CMIP: variants seen among roughly 807,000 people sequenced by gnomAD.
CMIP encodes C-Maf-inducing protein.
In CMIP, 13 loss-of-function variants were observed where a neutral mutation model predicts 97.3. The observed-to-expected ratio is 0.13, with a 90% CI of 0.09 to 0.21. The LOEUF is 0.21. Ranked by LOEUF, CMIP falls within the 10% of genes least tolerant of loss-of-function variation. The pLI is 1.00. For synonymous variants in CMIP, 538 were observed against 436.3 expected (o/e 1.23, Z -2.91); for missense variants, 847 against 1,024.9 (o/e 0.83, Z 2.37).
chr16:81,593,341 G>A (rs1365923128), intron 1 of CMIP, among the ~76,000 whole-genome samples: 1 of 152,102 alleles, frequency 6.6e-6, no homozygotes, highest in Admixed American at 6.5e-5. Context: ...GCTTGGTTGA[G>A]ATTGGCGAGA....
At chr16:81,559,730 G>A (rs141604365) in intron 1 of CMIP, among the ~76,000 whole-genome samples, 1 of 152,268 alleles carries the variant, frequency 6.6e-6, no homozygotes, top group East Asian at 1.9e-4. Flanking sequence ...AAACAACTAA[G>A]TTACTGGCTT....
intron 1 of CMIP, among the ~76,000 whole-genome samples, chr16:81,561,690 G>A (rs1297810362): frequency 2.0e-5 from 3 of 152,132 alleles, no homozygotes; most frequent in Non-Finnish European, 2.9e-5. Flanking sequence ...TCTGACTCTG[G>A]CTTTAAAAAG....
intron 1 of CMIP, among the ~76,000 whole-genome samples, chr16:81,463,595 C>G (rs1907021098): frequency 6.6e-6 from 1 of 152,206 alleles, no homozygotes; most frequent in Non-Finnish European, 1.5e-5. Context: ...CAGCTGGGTA[C>G]CGATTGCCAG....
At chr16:81,470,757 C>T (rs1248973971) in intron 1 of CMIP, among the ~76,000 whole-genome samples, 1 of 152,228 alleles carries the variant, frequency 6.6e-6, no homozygotes. Context: ...TGTGCCCAGC[C>T]AAAATTGGGA....
Position 81,703,847 on chromosome 16 carries a change from C to T in CMIP, c.1945-92C>T, listed in dbSNP as rs555123235. The T allele has an allele frequency of 4.7e-5, 69 of 1,467,868 alleles. No homozygotes were observed. The East Asian group carries it at 1.1e-3, about 24-fold the overall frequency. The allele number at this position is 1,467,868 out of a possible 1,614,324, so 90.9% of individuals were successfully genotyped here. On this transcript the variant is annotated intron_variant, in intron 17 of 20. Transcript: ENST00000537098. ...CCCCCAGGAACAGCTCTCTGTAGGG[C>T]GAGGGGAGAGGAGGAGGATAGGGGA...
intron 2 of CMIP, 31 bp downstream of exon 2, chr16:81,607,723 C>T (rs750607715): frequency 2.2e-5 from 36 of 1,607,960 alleles, no homozygotes; most frequent in African/African-American, 2.7e-5. Flanking sequence ...CAAGCAGTTT[C>T]TTCTCCCTCA....
chr16:81,455,291 A>T (rs938714145), intron 1 of CMIP, among the ~76,000 whole-genome samples: 1 of 152,202 alleles, frequency 6.6e-6, no homozygotes, highest in Non-Finnish European at 1.5e-5. Flanking sequence ...GCCAGGGGCT[A>T]TGCTATGCAG....
intron 1 of CMIP, among the ~76,000 whole-genome samples, chr16:81,582,916 A>G (rs1238646801): frequency 6.6e-6 from 1 of 152,218 alleles, no homozygotes; most frequent in African/African-American, 2.4e-5. Context: ...GGGGGCCAGC[A>G]GCTCTCCACT....
chr16:81,445,771 T>C (rs1905794857), intron 1 of CMIP, among the ~76,000 whole-genome samples: 2 of 152,056 alleles, frequency 1.3e-5, no homozygotes, highest in South Asian at 4.2e-4. Context: ...CTTAAAATGC[T>C]GGAGACTCGG....
At chr16:81,608,054 C>T (rs1437649458) in intron 2 of CMIP, among the ~76,000 whole-genome samples, 6 of 152,282 alleles carry the variant, frequency 3.9e-5, no homozygotes, top group South Asian at 2.1e-4. Context: ...AGCAGATGAG[C>T]AATAGATACT....
intron 1 of CMIP, among the ~76,000 whole-genome samples, chr16:81,599,308 G>GC (rs1470868873): frequency 2.0e-5 from 3 of 152,178 alleles, no homozygotes; most frequent in African/African-American, 7.2e-5. Context: ...TTTCTTCTGG[G>GC]ACCAAGGCCC....
chr16:81,693,772 A>G (rs1218416345), intron 13 of CMIP, among the ~76,000 whole-genome samples: 5 of 152,140 alleles, frequency 3.3e-5, no homozygotes, highest in Admixed American at 6.5e-5. Flanking sequence ...GCAGCTCTCA[A>G]CCAGCTCTGA....
At chr16:81,540,124 C>T (rs1244397553) in intron 1 of CMIP, among the ~76,000 whole-genome samples, 1 of 152,208 alleles carries the variant, frequency 6.6e-6, no homozygotes, top group Non-Finnish European at 1.5e-5. Flanking sequence ...AGACGTGGAG[C>T]ACATCCATCC....
chr16:81,458,843 A>G (rs1301578439), intron 1 of CMIP, among the ~76,000 whole-genome samples: 1 of 152,196 alleles, frequency 6.6e-6, no homozygotes, highest in East Asian at 1.9e-4. Context: ...GATAAAGGGG[A>G]GAATACATGG....
At chr16:81,569,883 G>A (rs1312712163) in intron 1 of CMIP, among the ~76,000 whole-genome samples, 2 of 152,216 alleles carry the variant, frequency 1.3e-5, no homozygotes, top group Admixed American at 6.5e-5. Flanking sequence ...ATGAGTGAAT[G>A]TGTGTCTAGC....
intron 1 of CMIP, among the ~76,000 whole-genome samples, chr16:81,474,081 C>T (rs1907731476): frequency 2.0e-5 from 3 of 152,122 alleles, no homozygotes; most frequent in Admixed American, 2.0e-4. Flanking sequence ...CCGGGCACTC[C>T]TGGCTGTGCC....
intron 2 of CMIP, among the ~76,000 whole-genome samples, chr16:81,618,353 C>T (rs1468978950): frequency 6.6e-6 from 1 of 152,174 alleles, no homozygotes; most frequent in East Asian, 1.9e-4. Context: ...CTGCCTCCCT[C>T]TTGTGAGTAC....
chr16:81,700,378 A>T (rs1483152224), intron 15 of CMIP: 1 of 154,602 alleles, frequency 6.5e-6, no homozygotes, highest in Non-Finnish European at 1.4e-5. Context: ...GCACGCTCCA[A>T]AGTCCCCAGA....
chr16:81,645,693 C>G (rs1007978268), intron 3 of CMIP: 404 of 1,405,010 alleles, frequency 2.9e-4, no homozygotes, highest in Non-Finnish European at 3.9e-4. Context: ...CCTGCTGTCT[C>G]TGCTTGCCGC....
Sources: allele counts gnomAD v4.1 joint callset (sites outside exome capture counted in the v4.1 genomes callset), GRCh38; gene constraint gnomAD v4.1.1; transcripts MANE v1.5; gene names NCBI Gene and HGNC (gene_info 2026-07-23, HGNC 2026-07-21).